CKAP4: variants seen among roughly 807,000 people sequenced by gnomAD.
The protein encoded by CKAP4 is cytoskeleton-associated protein 4.
CKAP4 carries 20 observed loss-of-function variants against 24.4 expected under a neutral mutation model. The observed-to-expected ratio is 0.82, with a 90% CI of 0.58 to 1.19. The LOEUF (loss-of-function observed/expected upper bound fraction) is 1.19. Among genes scored for constraint, CKAP4 ranks in the 50% most tolerant of loss-of-function variants. CKAP4 has a pLI of 0.00. For synonymous variants in CKAP4, 378 were observed against 351.7 expected (o/e 1.07, Z -0.84); for missense variants, 744 against 765.3 (o/e 0.97, Z 0.33).
intron 1 of CKAP4, among the ~76,000 whole-genome samples, chr12:106,245,988 G>A (rs2136537322): frequency 6.6e-6 from 1 of 152,372 alleles, no homozygotes; most frequent in Middle Eastern, 3.4e-3. Flanking sequence ...CTGGGAAAAG[G>A]AGGCAGTGGC....
chr12:106,244,348 A>G (rs541469489), intron 1 of CKAP4, among the ~76,000 whole-genome samples: 1 of 152,364 alleles, frequency 6.6e-6, no homozygotes, highest in Admixed American at 6.5e-5. Context: ...GAGGGCTGAT[A>G]ATAGTACTTA....
rs767034363 is a variant in CKAP4, at chr12:106,240,160, C to T, written c.673G>A (p.Ala225Thr). 13 of 1,614,080 alleles carry T rather than the reference C, an allele frequency of 8.1e-6. No individual in the cohort carries two copies. Among genetic ancestry groups the T allele is most frequent in the Middle Eastern group, 1.6e-4 (1 of 6,084 alleles). Residue 225 changes from alanine to threonine, a missense_variant, in exon 2 of 2, where the codon GCC becomes ACC. Ala to Thr is a moderately conservative substitution (Grantham distance 58). Coordinates refer to ENST00000378026, the MANE Select transcript of CKAP4 (RefSeq NM_006825.4). The stretch of plus-strand genomic sequence containing the variant: ...AGGGACGTGAAGTCCCGCTCCCGGG[C>T]GTCCTTCACCACATGGATCCCATCC... ...LSDGIHVVKD[A>T]RERDFTSLEN...
At chr12:106,243,431 TGACTCCTTAGCCA>T (rs1267125354) in intron 1 of CKAP4, among the ~76,000 whole-genome samples, 1 of 152,204 alleles carries the variant, frequency 6.6e-6, no homozygotes, top group Non-Finnish European at 1.5e-5. Context: ...CCTGAAGCCC[TGACTCCTTAGCCA>T]GAGAATCTAG....
rs2033959046 is a variant in CKAP4 at position 106,240,275 on chromosome 12, T to C, written c.558A>G (p.Thr186=). The part of the protein sequence containing the change: ...LRSSQHKQDL[T]EKAVKQGESE... ...TCTCCCCTTGCTTCACAGCTTTCTCTGTGAGGTCTTGTTTATGTTGGGAGC... is the reference window on the plus strand; with the variant it reads ...TCTCCCCTTGCTTCACAGCTTTCTCCGTGAGGTCTTGTTTATGTTGGGAGC... Residue 186 remains threonine (T), a synonymous_variant, in exon 2 of 2, where the codon ACA becomes ACG. Coordinates refer to ENST00000378026, the MANE Select transcript of CKAP4 (RefSeq NM_006825.4). The C allele has an allele frequency of 6.2e-7, 1 of 1,614,052 alleles. No individual in the cohort carries two copies. Among genetic ancestry groups the C allele is most frequent in the African/African-American group, 1.3e-5 (1 of 74,940 alleles).
In CKAP4 at chr12:106,239,744, G is replaced by A. The variant is rs764077586; in HGVS notation, c.1089C>T (p.Val363=). The A allele has an allele frequency of 9.7e-5, 157 of 1,613,996 alleles. 3 individuals are homozygous for A. In the South Asian group the frequency reaches 1.7e-3, roughly 17 times the overall value. Residue 363 remains valine, a synonymous_variant, in exon 2 of 2, where the codon GTC becomes GTT. Transcript: ENST00000378026. This position sits in a 1 kb window ranked among gnomAD's most constrained non-coding sequence, Gnocchi z 4.9. ...TEKLLRSEES[V]SRLPEEIRRL... ...TCCGGATCTCCTCCGGGAGGCGGGA[G>A]ACGGACTCCTCAGACCTGAGAAGCT... is the stretch of plus-strand genomic sequence containing the variant.
At chr12:106,241,594 A>C (rs2033971691) in intron 1 of CKAP4, among the ~76,000 whole-genome samples, 1 of 152,002 alleles carries the variant, frequency 6.6e-6, no homozygotes, top group South Asian at 2.1e-4. Context: ...CGGCCTCCCA[A>C]AGTGCTGGGA....
At chr12:106,245,953 G>C (rs1458878525) in intron 1 of CKAP4, among the ~76,000 whole-genome samples, 1 of 152,226 alleles carries the variant, frequency 6.6e-6, no homozygotes, top group East Asian at 1.9e-4. Flanking sequence ...AAAGCAGAGA[G>C]CAACTTGGCA....
chr12:106,239,165 A>G lies in CKAP4; in HGVS notation c.1668T>C (p.Ala556=), dbSNP rs769384213. 6.2e-7 allele frequency: 1 copy of G among 1,614,130 alleles called. No homozygotes were observed. Among genetic ancestry groups the G allele is most frequent in the Non-Finnish European group, 8.5e-7 (1 of 1,180,020 alleles). ...VEADLKMLRT[A]VDSLVAYSVK... ...CCGAGTATGCAACCAAACTGTCCACAGCAGTCCTGAGCATTTTCAAGTCCG... is the reference window on the plus strand; with the variant it reads ...CCGAGTATGCAACCAAACTGTCCACGGCAGTCCTGAGCATTTTCAAGTCCG... The change falls in exon 2 of 2, where the codon GCT becomes GCC. Residue 556 remains alanine (A), a synonymous_variant. Transcript: ENST00000378026. This position sits in a 1 kb window ranked among gnomAD's most constrained non-coding sequence, Gnocchi z 4.9.
intron 1 of CKAP4, among the ~76,000 whole-genome samples, chr12:106,240,668 C>CAA (rs34175879): frequency 1.7e-4 from 15 of 86,468 alleles, no homozygotes; most frequent in Admixed American, 2.7e-4. Context: ...TGCTTTGTTG[C>CAA]AAAAAAAAAA....
rs1339498027 is a variant in CKAP4, at chr12:106,239,871, A to G, written c.962T>C (p.Ile321Thr). ...RSTLQTMESD[I>T]YTEVRELVSL... ...CACCAGCTCGCGGACCTCGGTGTAG[A>G]TGTCAGACTCCATAGTCTGAAGGGT... The change falls in exon 2 of 2, where the codon ATC becomes ACC. Residue 321 changes from isoleucine to threonine, a missense_variant. Around this residue, in one of 3 missense-constraint regions of CKAP4, gnomAD observed 401 missense variants for 424.5 expected, o/e 0.94. Coordinates refer to ENST00000378026, the MANE Select transcript of CKAP4 (RefSeq NM_006825.4). This position sits in a 1 kb window ranked among gnomAD's most constrained non-coding sequence, Gnocchi z 4.9. 1.2e-6 allele frequency: 2 copies of G among 1,613,854 alleles called. No homozygotes were observed. Among genetic ancestry groups the G allele is most frequent in the Non-Finnish European group, 1.7e-6 (2 of 1,180,002 alleles).
intron 1 of CKAP4, among the ~76,000 whole-genome samples, chr12:106,244,193 T>C (rs951682979): frequency 2.0e-5 from 3 of 152,236 alleles, no homozygotes; most frequent in Non-Finnish European, 2.9e-5. Flanking sequence ...GGAACATTTA[T>C]TGGGCACCTA....
chr12:106,242,229 G>A (rs1180234217), intron 1 of CKAP4, among the ~76,000 whole-genome samples: 2 of 152,212 alleles, frequency 1.3e-5, no homozygotes, highest in African/African-American at 2.4e-5. Flanking sequence ...AATATATCAA[G>A]TACTTAAACT....
rs779632153 is a variant in CKAP4, at chr12:106,239,012, C to G, written c.*12G>C. 13 of 1,607,276 alleles carry G rather than the reference C, an allele frequency of 8.1e-6. No homozygotes were observed. The highest frequency in any genetic ancestry group is 1.1e-5 in the Non-Finnish European group (13 of 1,174,414). Reference sequence around the variant, plus strand: ...TTGGACTTTAAATCCGCGCCCTGCACACGCAATTCATTTAGACCTTTTCGT... The same window carrying G: ...TTGGACTTTAAATCCGCGCCCTGCAGACGCAATTCATTTAGACCTTTTCGT... On this transcript the variant is annotated 3_prime_UTR_variant, in exon 2 of 2. Coordinates refer to ENST00000378026, the MANE Select transcript of CKAP4 (RefSeq NM_006825.4). The surrounding 1 kb of genome is among the most constrained non-coding windows in gnomAD (Gnocchi z 4.9).
At chr12:106,242,253 A>G (rs1327901734) in intron 1 of CKAP4, among the ~76,000 whole-genome samples, 1 of 152,384 alleles carries the variant, frequency 6.6e-6, no homozygotes, top group East Asian at 1.9e-4. Flanking sequence ...CCCAGCACAT[A>G]GTGAACACTC....
intron 1 of CKAP4, among the ~76,000 whole-genome samples, chr12:106,240,863 T>C (rs1476288197): frequency 2.0e-5 from 3 of 152,042 alleles, no homozygotes; most frequent in Non-Finnish European, 1.5e-5. Context: ...GCAGGAAACT[T>C]ACAGACTGAA....
chr12:106,239,123 G>A lies in CKAP4; in HGVS notation c.1710C>T (p.Asn570=), dbSNP rs1171539395. The change falls in exon 2 of 2, where the codon AAC becomes AAT. Residue 570 remains asparagine (N), a synonymous_variant. Transcript: ENST00000378026. The surrounding 1 kb of genome is among the most constrained non-coding windows in gnomAD (Gnocchi z 4.9). Reference sequence around the variant, plus strand: ...CCTTGGCTGATTCCAGATTGTTCTCGTTGGTTTCTATTTTGACCGAGTATG... The same window carrying A: ...CCTTGGCTGATTCCAGATTGTTCTCATTGGTTTCTATTTTGACCGAGTATG... ...LVAYSVKIET[N]ENNLESAKGL... 15 of 1,613,776 alleles carry A rather than the reference G, an allele frequency of 9.3e-6. No individual in the cohort carries two copies. Among genetic ancestry groups the A allele is most frequent in the South Asian group, 2.2e-5 (2 of 91,076 alleles).
At chr12:106,243,304 G>A (rs2033982177) in intron 1 of CKAP4, among the ~76,000 whole-genome samples, 1 of 152,200 alleles carries the variant, frequency 6.6e-6, no homozygotes, top group Admixed American at 6.5e-5. Flanking sequence ...AGGCTCAAAC[G>A]TTAAAATCCC....
intron 1 of CKAP4, among the ~76,000 whole-genome samples, chr12:106,241,544 G>A (rs987194460): frequency 2.6e-5 from 4 of 151,592 alleles, no homozygotes; most frequent in Non-Finnish European, 5.9e-5. Flanking sequence ...CGTTTTAGCC[G>A]GGATGGTCTC....
chr12:106,241,857 AG>A (rs1167870227), intron 1 of CKAP4, among the ~76,000 whole-genome samples: 7 of 152,088 alleles, frequency 4.6e-5, no homozygotes, highest in Non-Finnish European at 8.8e-5. Flanking sequence ...GGGCACGCAT[AG>A]GGCAAGAGAG....
Sources: allele counts gnomAD v4.1 joint callset (sites outside exome capture counted in the v4.1 genomes callset), GRCh38; gene constraint gnomAD v4.1.1; regional missense constraint gnomAD v4.1.1; non-coding constraint Gnocchi (gnomAD v3.1); transcripts MANE v1.5; gene names NCBI Gene and HGNC (gene_info 2026-07-23, HGNC 2026-07-21).